The following PDGFD variants were observed in gnomAD, a reference collection of about 807,000 sequenced individuals.
PDGFD encodes the protein platelet derived growth factor D, also known as platelet-derived growth factor D.
A neutral mutation model predicts 44.7 loss-of-function variants in PDGFD; 30 were observed. The observed-to-expected ratio is 0.67, with a 90% CI of 0.50 to 0.91. PDGFD has a LOEUF of 0.91. Among genes scored for constraint, PDGFD ranks in the 40% least tolerant of loss-of-function variants. The pLI is 0.00. For missense variants in PDGFD, 445 were observed against 457.8 expected (o/e 0.97, Z 0.25); for synonymous variants, 173 against 168.4 (o/e 1.03, Z -0.21).
At chr11:104,131,308 T>C (rs912133001) in intron 1 of PDGFD, among the ~76,000 whole-genome samples, 2 of 152,138 alleles carry the variant, frequency 1.3e-5, no homozygotes, top group Admixed American at 1.3e-4. Flanking sequence ...ATGGCAACAA[T>C]ATGGCCCTCT....
chr11:104,008,556 G>A (rs180903224), intron 1 of PDGFD, among the ~76,000 whole-genome samples: 17 of 152,152 alleles, frequency 1.1e-4, no homozygotes, highest in Middle Eastern at 3.4e-3. Context: ...AAAACATTAC[G>A]AAGGAATTAA....
intron 3 of PDGFD, among the ~76,000 whole-genome samples, chr11:103,962,496 G>C (rs1858953078): frequency 6.6e-6 from 1 of 152,084 alleles, no homozygotes; most frequent in Non-Finnish European, 1.5e-5. Context: ...AAGGATCTCT[G>C]AGTACAAACA....
intron 1 of PDGFD, among the ~76,000 whole-genome samples, chr11:104,053,179 T>C (rs1417875371): frequency 6.6e-6 from 1 of 152,160 alleles, no homozygotes; most frequent in Non-Finnish European, 1.5e-5. Context: ...TAATGATACC[T>C]TGGGGGAGGG....
At chr11:104,006,672 A>C (rs260867) in intron 1 of PDGFD, among the ~76,000 whole-genome samples, 74,949 of 151,998 alleles carry the variant, frequency 0.49, 19,066 homozygotes, top group Admixed American at 0.61. Flanking sequence ...AGAAGAATGG[A>C]CGAACAGCGT....
intron 1 of PDGFD, among the ~76,000 whole-genome samples, chr11:104,043,786 T>C (rs969461070): frequency 1.3e-5 from 2 of 152,066 alleles, no homozygotes; most frequent in Admixed American, 1.3e-4. Flanking sequence ...ATAGATTCTT[T>C]TTAACAAGCA....
At chr11:104,144,488 A>G (rs1862132723) in intron 1 of PDGFD, among the ~76,000 whole-genome samples, 1 of 142,166 alleles carries the variant, frequency 7.0e-6, no homozygotes, top group Non-Finnish European at 1.5e-5. Flanking sequence ...CCTGGGCAAT[A>G]AGAGCAAAAC....
chr11:104,012,568 A>G (rs190476016), intron 1 of PDGFD, among the ~76,000 whole-genome samples: 121 of 152,348 alleles, frequency 7.9e-4, no homozygotes, highest in African/African-American at 2.8e-3. Context: ...GTTAAAGCTC[A>G]TGCTAACAAA....
chr11:104,099,675 T>A (rs1042654544), intron 1 of PDGFD, among the ~76,000 whole-genome samples: 1 of 138,164 alleles, frequency 7.2e-6, no homozygotes, highest in Non-Finnish European at 1.6e-5. Flanking sequence ...ATAATAATAA[T>A]AAATCAAACC....
intron 3 of PDGFD, among the ~76,000 whole-genome samples, chr11:103,965,837 G>C (rs1157521697): frequency 6.6e-6 from 1 of 152,076 alleles, no homozygotes. Context: ...CTGACACTTC[G>C]ACAGCCTCTT....
At chr11:103,997,976 A>G (rs999052273) in intron 2 of PDGFD, among the ~76,000 whole-genome samples, 2 of 152,162 alleles carry the variant, frequency 1.3e-5, no homozygotes, top group African/African-American at 2.4e-5. Flanking sequence ...TTAATGGTTC[A>G]GAAAGGAAAC....
intron 3 of PDGFD, among the ~76,000 whole-genome samples, chr11:103,978,530 A>G (rs1859216621): frequency 2.0e-5 from 3 of 151,106 alleles, no homozygotes. Flanking sequence ...GAAACACTCC[A>G]GCCTACTGAG....
chr11:104,146,499 T>C (rs1217045367), intron 1 of PDGFD, among the ~76,000 whole-genome samples: 1 of 152,194 alleles, frequency 6.6e-6, no homozygotes, highest in East Asian at 1.9e-4. Flanking sequence ...GCAAACCTCA[T>C]ATGTCAAGAT....
chr11:104,158,102 G>C (rs1235470857), intron 1 of PDGFD, among the ~76,000 whole-genome samples: 1 of 152,184 alleles, frequency 6.6e-6, no homozygotes, highest in Non-Finnish European at 1.5e-5. Flanking sequence ...TATATTAGGT[G>C]CTCTTTGTGT....
At chr11:104,141,414 T>TTA (rs397849188) in intron 1 of PDGFD, among the ~76,000 whole-genome samples, 172 of 149,334 alleles carry the variant, frequency 1.2e-3, no homozygotes, top group African/African-American at 4.1e-3. Flanking sequence ...TTTTTTTTTT[T>TTA]AGAGTCAGGA....
chr11:104,037,706 C>T, intron 1 of PDGFD: 1 of 1,614,080 alleles, frequency 6.2e-7, no homozygotes, highest in Middle Eastern at 1.6e-4. Flanking sequence ...GGAGTGGGCA[C>T]ACAGAGAATT....
chr11:104,088,858 G>A (rs1861171214), intron 1 of PDGFD, among the ~76,000 whole-genome samples: 1 of 151,936 alleles, frequency 6.6e-6, no homozygotes, highest in Admixed American at 6.6e-5. Flanking sequence ...CTATACCCAG[G>A]GAGGTTCTAA....
intron 1 of PDGFD, among the ~76,000 whole-genome samples, chr11:104,066,985 GC>G (rs1860799586): frequency 6.6e-6 from 1 of 152,152 alleles, no homozygotes; most frequent in South Asian, 2.1e-4. Flanking sequence ...TATGGTCCAA[GC>G]ACTGTGTTAG....
intron 1 of PDGFD, among the ~76,000 whole-genome samples, chr11:104,018,892 T>C (rs566071807): frequency 2.6e-5 from 4 of 152,354 alleles, no homozygotes; most frequent in East Asian, 1.9e-4. Context: ...TTTAGTTCTT[T>C]AGGGAAAGAG....
chr11:103,994,120 C>T (rs1398727414), intron 3 of PDGFD, among the ~76,000 whole-genome samples: 2 of 152,128 alleles, frequency 1.3e-5, no homozygotes, highest in Non-Finnish European at 2.9e-5. Flanking sequence ...AAACTGTATT[C>T]CTACTGCTTT....
Sources: allele counts gnomAD v4.1 joint callset (sites outside exome capture counted in the v4.1 genomes callset), GRCh38; gene constraint gnomAD v4.1.1; transcripts MANE v1.5; gene names NCBI Gene and HGNC (gene_info 2026-07-23, HGNC 2026-07-21).